Variants in ATP6V0A1 observed in about 807,000 individuals in gnomAD.
ATP6V0A1 encodes the protein V-type proton ATPase 116 kDa subunit a 1.
Under a neutral mutation model 105.4 loss-of-function variants are expected in ATP6V0A1, and 43 were observed. That is an observed-to-expected ratio of 0.41 (90% CI 0.32 to 0.53). The LOEUF (loss-of-function observed/expected upper bound fraction) is 0.53, where lower values mean the gene tolerates loss of function less well. Among genes scored for constraint, ATP6V0A1 ranks in the 20% least tolerant of loss-of-function variants. The pLI is 0.30. For synonymous variants in ATP6V0A1, 362 were observed against 372.8 expected (o/e 0.97, Z 0.33); for missense variants, 676 against 1,051.1 (o/e 0.64, Z 4.93).
At chr17:42,485,759 G>T (rs1041601591) in intron 9 of ATP6V0A1, among the ~76,000 whole-genome samples, 11 of 152,088 alleles carry the variant, frequency 7.2e-5, no homozygotes, top group Non-Finnish European at 1.5e-4. Flanking sequence ...GTCTCACTAT[G>T]TTGCCCAAAC....
At chr17:42,514,556 G>A in intron 21 of ATP6V0A1, 96 bp downstream of exon 21, 1 of 1,277,554 alleles carries the variant, frequency 7.8e-7, no homozygotes, top group Non-Finnish European at 1.1e-6. Context: ...CTGCAGCTCT[G>A]TGCAGGAAAG....
chr17:42,491,775 G>A (rs955270746), intron 11 of ATP6V0A1, among the ~76,000 whole-genome samples: 5 of 152,126 alleles, frequency 3.3e-5, no homozygotes, highest in Non-Finnish European at 4.4e-5. Context: ...GAGCCACTGC[G>A]CCCGGCCATT....
intron 15 of ATP6V0A1, among the ~76,000 whole-genome samples, chr17:42,500,383 G>A (rs1179338710): frequency 6.6e-6 from 1 of 152,212 alleles, no homozygotes; most frequent in East Asian, 1.9e-4. Flanking sequence ...GAGAGGCTGA[G>A]GTAAGAGGAT....
At chr17:42,475,780 A>G (rs564506354) in intron 5 of ATP6V0A1, among the ~76,000 whole-genome samples, 2 of 152,332 alleles carry the variant, frequency 1.3e-5, no homozygotes, top group South Asian at 4.1e-4. Flanking sequence ...TAGAATTCTT[A>G]AGTATGAAGT....
At chr17:42,464,036 G>A (rs1462216450) in intron 2 of ATP6V0A1, among the ~76,000 whole-genome samples, 1 of 152,128 alleles carries the variant, frequency 6.6e-6, no homozygotes, top group Non-Finnish European at 1.5e-5. Context: ...GTCTCAGGCT[G>A]GCCGAGGTGG....
chr17:42,509,151 A>G (rs147402049), intron 19 of ATP6V0A1, among the ~76,000 whole-genome samples: 1 of 152,100 alleles, frequency 6.6e-6, no homozygotes, highest in Non-Finnish European at 1.5e-5. Context: ...ACAGCTTTCA[A>G]AAGGAGGCTT....
chr17:42,514,411 C>T lies in ATP6V0A1; in HGVS notation c.2371C>T (p.Leu791=). 1 of 1,613,348 alleles carries T rather than the reference C, an allele frequency of 6.2e-7. No homozygotes were observed. The highest frequency in any genetic ancestry group is 8.5e-7 in the Non-Finnish European group (1 of 1,179,654). The change falls in exon 21 of 22, where the codon CTG becomes TTG. Residue 791 remains leucine, a synonymous_variant. Transcript: ENST00000343619. ...TGCCACCCTGACCGTGGCCATCCTC[C>T]TGATCATGGAGGGCCTCTCGGCCTT... ...AFATLTVAIL[L]IMEGLSAFLH...
chr17:42,476,551 G>C (rs1014391710), intron 5 of ATP6V0A1, among the ~76,000 whole-genome samples: 1 of 152,140 alleles, frequency 6.6e-6, no homozygotes, highest in Non-Finnish European at 1.5e-5. Flanking sequence ...TTAGAGTTGG[G>C]GAGATGAGGC....
At chr17:42,464,271 A>G (rs1363204367) in intron 2 of ATP6V0A1, among the ~76,000 whole-genome samples, 1 of 152,214 alleles carries the variant, frequency 6.6e-6, no homozygotes, top group Non-Finnish European at 1.5e-5. Context: ...AGAGCTGAAG[A>G]CTGGGACGTA....
chr17:42,473,487 A>G (rs967206589), intron 5 of ATP6V0A1, among the ~76,000 whole-genome samples: 5 of 152,208 alleles, frequency 3.3e-5, no homozygotes, highest in East Asian at 3.8e-4. Flanking sequence ...ATGCTCACAG[A>G]TGTGTGCTTT....
intron 17 of ATP6V0A1, 21 bp from the exon 18 acceptor site, chr17:42,507,499 T>G (rs772512525): frequency 4.5e-6 from 7 of 1,566,758 alleles, no homozygotes; most frequent in Non-Finnish European, 6.1e-6. Flanking sequence ...CAAATTCTAC[T>G]CTTTCTGTTC....
chr17:42,500,638 T>C (rs1398113799), intron 15 of ATP6V0A1, 69 bp from the exon 16 acceptor site: 1 of 1,253,892 alleles, frequency 8.0e-7, no homozygotes, highest in Non-Finnish European at 1.2e-6. Context: ...ATCTAGTGAA[T>C]ACTCCATTCA....
chr17:42,464,614 G>A (rs960822250), intron 2 of ATP6V0A1, among the ~76,000 whole-genome samples: 9 of 151,856 alleles, frequency 5.9e-5, no homozygotes, highest in South Asian at 4.2e-4. Flanking sequence ...TGTGTTGGCC[G>A]GGCTGGTCTC....
At chr17:42,497,217 T>C (rs2091262288) in intron 14 of ATP6V0A1, among the ~76,000 whole-genome samples, 2 of 150,166 alleles carry the variant, frequency 1.3e-5, no homozygotes, top group Admixed American at 1.3e-4. Context: ...GGAGAACAGC[T>C]TGAACCTGGG....
At chr17:42,498,531 T>C (rs2091389236) in intron 14 of ATP6V0A1, among the ~76,000 whole-genome samples, 2 of 152,060 alleles carry the variant, frequency 1.3e-5, no homozygotes, top group Non-Finnish European at 2.9e-5. Context: ...TATTGATTAA[T>C]AAATAAAAAT....
chr17:42,518,757 C>T (rs1187470570), intron 21 of ATP6V0A1: 1 of 152,258 alleles, frequency 6.6e-6, no homozygotes, highest in Non-Finnish European at 1.5e-5. Context: ...CTGTTGAATT[C>T]TAGAGGTGCA....
In ATP6V0A1 at chr17:42,465,922, C is replaced by T. The variant is rs1189568254; in HGVS notation, c.118-507C>T. Among the ~76,000 whole-genome samples the T allele has an allele frequency of 2.0e-5, 3 of 151,932 alleles. No homozygotes were observed. The East Asian group carries it at 5.8e-4, about 30-fold the overall frequency. ...CAGAGGTTGCAGTGAGCCAAGATCA[C>T]GCCACTGCACTCCAGCCTGGTGACA... On this transcript the variant is annotated intron_variant, in intron 2 of 21. Coordinates refer to ENST00000343619, the MANE Select transcript of ATP6V0A1 (RefSeq NM_001130021.3).
chr17:42,484,684 G>T (rs2145898370), intron 9 of ATP6V0A1, among the ~76,000 whole-genome samples: 1 of 152,250 alleles, frequency 6.6e-6, no homozygotes, highest in South Asian at 2.1e-4. Flanking sequence ...GGAAGGAAAG[G>T]CTGGTGAGTG....
intron 8 of ATP6V0A1, among the ~76,000 whole-genome samples, chr17:42,482,752 C>G (rs1004264008): frequency 6.6e-6 from 1 of 151,780 alleles, no homozygotes; most frequent in Non-Finnish European, 1.5e-5. Context: ...CAAAAATTAG[C>G]CAGGTGTGGT....
Sources: allele counts gnomAD v4.1 joint callset (sites outside exome capture counted in the v4.1 genomes callset), GRCh38; gene constraint gnomAD v4.1.1; transcripts MANE v1.5; gene names NCBI Gene and HGNC (gene_info 2026-07-23, HGNC 2026-07-21).